The following GOLM1 variants were observed in gnomAD, a reference collection of about 807,000 sequenced individuals.
GOLM1 encodes the protein golgi membrane protein 1, also known as epididymis luminal protein 46.
A neutral mutation model predicts 50.5 loss-of-function variants in GOLM1; 31 were observed. That is an observed-to-expected ratio of 0.61 (90% CI 0.46 to 0.83). The LOEUF (loss-of-function observed/expected upper bound fraction) is 0.83, where lower values mean the gene tolerates loss of function less well. Ranked by LOEUF, GOLM1 falls within the 40% of genes least tolerant of loss-of-function variation. GOLM1 has a pLI of 0.00. For missense variants in GOLM1, 491 were observed against 501.3 expected, an observed-to-expected ratio of 0.98 and a Z score of 0.20; for synonymous variants, 178 against 192.8, an observed-to-expected ratio of 0.92 and a Z score of 0.64.
At chr9:86,032,102 C>A (rs961127593) in intron 9 of GOLM1, among the ~76,000 whole-genome samples, 6 of 152,110 alleles carry the variant, frequency 3.9e-5, no homozygotes, top group African/African-American at 1.4e-4. Context: ...ACTCACTCAA[C>A]TCCCCCATGA....
At chr9:86,070,003 C>T (rs943856454) in intron 3 of GOLM1, among the ~76,000 whole-genome samples, 8 of 152,030 alleles carry the variant, frequency 5.3e-5, no homozygotes, top group Admixed American at 1.3e-4. Flanking sequence ...CCTGCCTCAG[C>T]CTGCAGAGTA....
Position 86,027,769 on chromosome 9 carries a change from A to G in GOLM1, c.*48T>C, listed in dbSNP as rs770455849. On this transcript the variant is annotated 3_prime_UTR_variant, in exon 10 of 10. Transcript: ENST00000388712. The stretch of plus-strand genomic sequence containing the variant: ...GTATTCAGTCCCTCATGAACATTTT[A>G]TAGTCATCTCTTCGGCCCTGTTGTG... 4 of 1,594,802 alleles carry G rather than the reference A, an allele frequency of 2.5e-6. No homozygotes were observed. The highest frequency in any genetic ancestry group is 2.3e-5 in the South Asian group (2 of 87,564).
At position 86,077,360 on chromosome 9, in the gene GOLM1, T is replaced by C. The variant is rs767656292; in HGVS notation, c.309+52A>G. On this transcript the variant is annotated intron_variant, in intron 3 of 9. Transcript: ENST00000388712. ...CCTCCCGCCAAGAAGAAACAGACAA[T>C]GTAGACACCATCCCTTAGAAAAGAA... 16 of 1,419,366 alleles carry C rather than the reference T, an allele frequency of 1.1e-5. No individual in the cohort carries two copies. The African/African-American group carries it at 1.5e-4, about 14-fold the overall frequency. The allele number at this position is 1,419,366 out of a possible 1,614,324, so 87.9% of individuals were successfully genotyped here.
At chr9:86,055,504 A>G (rs1407074059) in intron 3 of GOLM1, among the ~76,000 whole-genome samples, 1 of 152,236 alleles carries the variant, frequency 6.6e-6, no homozygotes, top group African/African-American at 2.4e-5. Context: ...TCGCTGCAGC[A>G]TCACTCACAG....
At chr9:86,097,899 G>A (rs1397549608) in intron 1 of GOLM1, among the ~76,000 whole-genome samples, 2 of 152,046 alleles carry the variant, frequency 1.3e-5, no homozygotes, top group Non-Finnish European at 2.9e-5. Context: ...CAACAACAGC[G>A]GGTGGAATGT....
intron 7 of GOLM1, 39 bp downstream of exon 7, chr9:86,036,309 G>A: frequency 6.2e-7 from 1 of 1,608,936 alleles, no homozygotes; most frequent in Non-Finnish European, 8.5e-7. Flanking sequence ...ATGGGGCTCT[G>A]GAGAGCTGGG....
At chr9:86,073,718 C>G (rs1834523646) in intron 3 of GOLM1, among the ~76,000 whole-genome samples, 2 of 152,206 alleles carry the variant, frequency 1.3e-5, no homozygotes, top group South Asian at 4.1e-4. Flanking sequence ...TTTTCCCCAG[C>G]ATTCTGCCAA....
intron 1 of GOLM1, among the ~76,000 whole-genome samples, chr9:86,094,412 A>G (rs913723274): frequency 4.6e-5 from 7 of 152,226 alleles, no homozygotes; most frequent in African/African-American, 1.7e-4. Flanking sequence ...TTAAAAACTT[A>G]CTAGGAAATA....
At chr9:86,028,722 T>C (rs1199312675) in intron 9 of GOLM1, among the ~76,000 whole-genome samples, 1 of 152,064 alleles carries the variant, frequency 6.6e-6, no homozygotes, top group Non-Finnish European at 1.5e-5. Flanking sequence ...TGCCGCGGGG[T>C]TGAAACCCAT....
rs1304325336 is a variant in GOLM1, at chr9:86,052,913, C to T, written c.310-322G>A. On this transcript the variant is annotated intron_variant, in intron 3 of 9. Transcript: ENST00000388712. ...CCTCCTGCCCGACACAGCAGAGGCTCTGGGCACCCAGAGGGCTAATCAGCA... is the reference window on the plus strand; with the variant it reads ...CCTCCTGCCCGACACAGCAGAGGCTTTGGGCACCCAGAGGGCTAATCAGCA... 3.6e-5 allele frequency among the ~76,000 whole-genome samples: 4 copies of T among 109,928 alleles called. No homozygotes were observed. The Admixed American group carries it at 4.1e-4, about 11-fold the overall frequency. The allele number at this position is 109,928 out of a possible 152,430, so 72.1% of individuals were successfully genotyped here.
intron 1 of GOLM1, among the ~76,000 whole-genome samples, 159 bp downstream of exon 1, chr9:86,099,252 G>A (rs530458694): frequency 6.6e-5 from 10 of 151,990 alleles, no homozygotes; most frequent in African/African-American, 9.6e-5. Flanking sequence ...AGCCAGCCCC[G>A]AGCGCAGCCA....
At chr9:86,071,016 G>C (rs1314562419) in intron 3 of GOLM1, among the ~76,000 whole-genome samples, 1 of 151,694 alleles carries the variant, frequency 6.6e-6, no homozygotes, top group Non-Finnish European at 1.5e-5. Context: ...TTTTGACCAT[G>C]ACCCACAATG....
At chr9:86,037,267 T>C (rs1319923610) in intron 6 of GOLM1, among the ~76,000 whole-genome samples, 2 of 151,872 alleles carry the variant, frequency 1.3e-5, no homozygotes, top group African/African-American at 2.4e-5. Context: ...ATACAAAAAT[T>C]AGCCAGGTGT....
In GOLM1 at chr9:86,033,303, C is replaced by T. The variant is rs1422449429; in HGVS notation, c.1108G>A (p.Gly370Arg). The change falls in exon 9 of 10, where the codon GGG becomes AGG. Residue 370 changes from glycine (G) to arginine (R), a missense_variant. Physicochemically the swap from Gly to Arg is moderately radical, Grantham distance 125. Coordinates refer to ENST00000388712, the MANE Select transcript of GOLM1 (RefSeq NM_016548.4). Reference sequence around the variant, plus strand: ...TTACCATCTATGTTTCTGTCATTCCCTGCCAGGGCTGCTTGCTTGTCTGTC... The same window carrying T: ...TTACCATCTATGTTTCTGTCATTCCTTGCCAGGGCTGCTTGCTTGTCTGTC... ...SETDKQAALA[G>R]NDRNIDVFNV... 2 of 1,607,486 alleles carry T rather than the reference C, an allele frequency of 1.2e-6. No individual in the cohort carries two copies. Among genetic ancestry groups the T allele is most frequent in the South Asian group, 2.2e-5 (2 of 90,936 alleles).
intron 3 of GOLM1, among the ~76,000 whole-genome samples, chr9:86,072,627 AG>A (rs913995463): frequency 6.6e-6 from 1 of 152,262 alleles, no homozygotes; most frequent in Non-Finnish European, 1.5e-5. Context: ...GAAATCCCTC[AG>A]AAAAACAAGC....
At position 86,036,526 on chromosome 9, in the gene GOLM1, A is replaced by G. The variant is rs41283655; in HGVS notation, c.598-19T>C. 1 of 1,612,678 alleles carries G rather than the reference A, an allele frequency of 6.2e-7. No individual in the cohort carries two copies. The highest frequency in any genetic ancestry group is 8.5e-7 in the Non-Finnish European group (1 of 1,179,426). On this transcript the variant is annotated intron_variant, in intron 6 of 9. Transcript: ENST00000388712. ...CTTGGAGCTGAAACAGAAGCACAGG[A>G]CAGCCAGCCAGGGCAGGGCTCTGTG...
intron 3 of GOLM1, among the ~76,000 whole-genome samples, chr9:86,055,595 T>C (rs1833961795): frequency 6.6e-6 from 1 of 152,060 alleles, no homozygotes; most frequent in African/African-American, 2.4e-5. Context: ...TACAATGAAA[T>C]ATTATGCTAC....
At chr9:86,089,374 C>A (rs1032425018) in intron 1 of GOLM1, among the ~76,000 whole-genome samples, 38 of 152,256 alleles carry the variant, frequency 2.5e-4, no homozygotes, top group African/African-American at 9.1e-4. Flanking sequence ...CCATTCCCCC[C>A]CTCACTTTCA....
intron 3 of GOLM1, among the ~76,000 whole-genome samples, chr9:86,074,236 A>T (rs1355846212): frequency 1.2e-4 from 7 of 56,280 alleles, no homozygotes; most frequent in East Asian, 6.1e-3. Context: ...TCTAAGATTT[A>T]AAAAAAAAAA....
Sources: allele counts gnomAD v4.1 joint callset (sites outside exome capture counted in the v4.1 genomes callset), GRCh38; gene constraint gnomAD v4.1.1; transcripts MANE v1.5; gene names NCBI Gene and HGNC (gene_info 2026-07-23, HGNC 2026-07-21).